Variants in POLR3G observed in about 807,000 individuals in gnomAD.
The protein encoded by POLR3G is DNA-directed RNA polymerase III subunit RPC7.
Under a neutral mutation model 30.1 loss-of-function variants are expected in POLR3G, and 28 were observed. That is an observed-to-expected ratio of 0.93 (90% confidence interval 0.69 to 1.27). POLR3G has a LOEUF of 1.27. Ranked by LOEUF, POLR3G falls within the 50% of genes most tolerant of loss-of-function variation. POLR3G has a pLI of 0.00. For synonymous variants in POLR3G, 79 were observed against 82.5 expected (o/e 0.96, Z 0.23); for missense variants, 254 against 264.6 (o/e 0.96, Z 0.28).
At chr5:90,474,130 C>G, upstream of POLR3G, 3 of 1,585,238 alleles carry the variant, frequency 1.9e-6, no homozygotes, top group Non-Finnish European at 1.7e-6. Flanking sequence ...TACAGGTACT[C>G]CGGGAGGCTG....
At chr5:90,475,708 G>A (rs990420831) in intron 1 of POLR3G, among the ~76,000 whole-genome samples, 3 of 151,880 alleles carry the variant, frequency 2.0e-5, no homozygotes, top group African/African-American at 7.3e-5. Flanking sequence ...ATCTATTTAG[G>A]GTTTTTGTTT....
chr5:90,492,742 C>G (rs949087111), intron 3 of POLR3G, among the ~76,000 whole-genome samples: 42 of 151,532 alleles, frequency 2.8e-4, no homozygotes, highest in African/African-American at 9.9e-4. Context: ...ATTAGCCAGG[C>G]GTGGTAGAGG....
intron 7 of POLR3G, among the ~76,000 whole-genome samples, chr5:90,510,033 G>C (rs753305816): frequency 5.9e-5 from 9 of 152,152 alleles, no homozygotes; most frequent in Non-Finnish European, 1.2e-4. Flanking sequence ...GTAGTGTCTG[G>C]AGATATATTT....
At position 90,508,316 on chromosome 5, in the gene POLR3G, C is replaced by A. The variant is rs537200006; in HGVS notation, c.585+1642C>A. ...CCTCTGCCTTCAAACTCAGTGTCTT[C>A]CTTCCTCCTCCTCTTTTTTTTTTTA... On this transcript the variant is annotated intron_variant, in intron 7 of 7. Coordinates refer to ENST00000651687, the MANE Select transcript of POLR3G (RefSeq NM_006467.3). 2.6e-5 allele frequency among the ~76,000 whole-genome samples: 4 copies of A among 151,500 alleles called. No individual in the cohort carries two copies. The South Asian group carries it at 8.3e-4, about 32-fold the overall frequency.
At chr5:90,501,759 A>G (rs753793693) in intron 5 of POLR3G, 147 bp from the exon 6 acceptor site, 76 of 855,164 alleles carry the variant, frequency 8.9e-5, no homozygotes, top group South Asian at 5.9e-4. Context: ...TGATTTGTTT[A>G]TTCTTTGAGA....
chr5:90,474,589 A>C (rs930176190), upstream of POLR3G: 1 of 439,558 alleles, frequency 2.3e-6, no homozygotes, highest in Non-Finnish European at 4.1e-6. Flanking sequence ...ACCACGAGAG[A>C]GCTTTAACGC....
At chr5:90,507,439 T>C (rs1196973953) in intron 7 of POLR3G, among the ~76,000 whole-genome samples, 25 of 152,254 alleles carry the variant, frequency 1.6e-4, no homozygotes. Flanking sequence ...TTTTGAAATT[T>C]GTATTAGTAT....
At chr5:90,488,242 T>C (rs1751549019) in intron 3 of POLR3G, 113 bp downstream of exon 3, 1 of 930,402 alleles carries the variant, frequency 1.1e-6, no homozygotes, top group Non-Finnish European at 1.5e-6. Context: ...TAAAAAATTA[T>C]CAACTACTTT....
Position 90,488,240 on chromosome 5 carries a change from T to G in POLR3G, c.247+111T>G, listed in dbSNP as rs1357603264. On this transcript the variant is annotated intron_variant, in intron 3 of 7. Coordinates refer to ENST00000651687, the MANE Select transcript of POLR3G (RefSeq NM_006467.3). ...TGATTGATTCGATTCAATAAAAAAT[T>G]ATCAACTACTTTGAAAAAGCTATTT... The G allele has an allele frequency of 1.1e-5, 10 of 933,596 alleles. No individual in the cohort carries two copies. In the East Asian group the frequency reaches 3.1e-4, roughly 29 times the overall value. 57.8% of individuals were successfully genotyped at this position (933,596 alleles called of 1,614,324 possible).
In POLR3G at chr5:90,485,688, A is replaced by G. The variant is rs773109634; in HGVS notation, c.117+4A>G. The G allele has an allele frequency of 3.1e-6, 5 of 1,593,716 alleles. No homozygotes were observed. Among genetic ancestry groups the G allele is most frequent in the Non-Finnish European group, 3.4e-6 (4 of 1,162,816 alleles). ...GAAACCACCCCCACTATTTCCTGTA[A>G]GTATATGAACAGTTGAATTCTCATA... On this transcript the variant is annotated splice_donor_region_variant and intron_variant, in intron 2 of 7. Coordinates refer to ENST00000651687, the MANE Select transcript of POLR3G (RefSeq NM_006467.3).
At chr5:90,503,782 T>C (rs1561257575) in intron 6 of POLR3G, among the ~76,000 whole-genome samples, 1 of 152,296 alleles carries the variant, frequency 6.6e-6, no homozygotes, top group Admixed American at 6.5e-5. Flanking sequence ...TCAAATCTCA[T>C]GATTAATGTG....
intron 1 of POLR3G, among the ~76,000 whole-genome samples, chr5:90,477,867 T>TG (rs1164920763): frequency 1.3e-5 from 2 of 152,212 alleles, no homozygotes; most frequent in Non-Finnish European, 2.9e-5. Context: ...ACAGAATTTG[T>TG]GGGGGTTTAA....
At chr5:90,484,774 G>T (rs980255488) in intron 1 of POLR3G, among the ~76,000 whole-genome samples, 1 of 152,126 alleles carries the variant, frequency 6.6e-6, no homozygotes, top group Non-Finnish European at 1.5e-5. Flanking sequence ...ATTATCAGCA[G>T]GGAAAGAAAT....
chr5:90,504,839 T>C (rs897701005), intron 6 of POLR3G, among the ~76,000 whole-genome samples: 1 of 152,214 alleles, frequency 6.6e-6, no homozygotes, highest in Non-Finnish European at 1.5e-5. Flanking sequence ...AAGCACGATT[T>C]TCTTTACTTG....
At chr5:90,487,442 A>T (rs1434648156) in intron 2 of POLR3G, among the ~76,000 whole-genome samples, 1 of 115,608 alleles carries the variant, frequency 8.6e-6, no homozygotes, top group Non-Finnish European at 1.6e-5. Flanking sequence ...CCCAGGCTGG[A>T]GTACAGTGGC....
intron 3 of POLR3G, among the ~76,000 whole-genome samples, chr5:90,488,922 G>A (rs1751584091): frequency 6.6e-6 from 1 of 152,136 alleles, no homozygotes; most frequent in Non-Finnish European, 1.5e-5. Flanking sequence ...TAGCTGTTTA[G>A]CACAGCAGTA....
intron 7 of POLR3G, 65 bp downstream of exon 7, chr5:90,506,739 G>C (rs1014629391): frequency 9.4e-6 from 14 of 1,486,234 alleles, no homozygotes; most frequent in Non-Finnish European, 1.3e-5. Flanking sequence ...ATCAGATATA[G>C]AGTATGTATT....
At chr5:90,485,345 A>G (rs13181086) in intron 1 of POLR3G, among the ~76,000 whole-genome samples, 180 bp from the exon 2 acceptor site, 4,454 of 152,250 alleles carry the variant, frequency 0.029, 102 homozygotes, top group Non-Finnish European at 0.047. Context: ...CTTACCTGCC[A>G]GAGGTGTGTG....
At chr5:90,474,400 G>C, upstream of POLR3G, 7 of 1,027,972 alleles carry the variant, frequency 6.8e-6, no homozygotes, top group Non-Finnish European at 7.3e-6. Context: ...CCTGCAGCCA[G>C]GGAGGAGGCG....
Sources: allele counts gnomAD v4.1 joint callset (sites outside exome capture counted in the v4.1 genomes callset), GRCh38; gene constraint gnomAD v4.1.1; transcripts MANE v1.5; gene names NCBI Gene and HGNC (gene_info 2026-07-23, HGNC 2026-07-21).